The following RBFOX1 variants were observed in gnomAD, a reference collection of about 807,000 sequenced individuals.
RBFOX1 encodes the protein RNA binding protein fox-1 homolog 1.
A neutral mutation model predicts 57.7 loss-of-function variants in RBFOX1; 8 were observed. The observed-to-expected ratio is 0.14, with a 90% confidence interval of 0.08 to 0.25. The LOEUF (loss-of-function observed/expected upper bound fraction) is 0.25. Among genes scored for constraint, RBFOX1 ranks in the 10% least tolerant of loss-of-function variants. The probability of loss-of-function intolerance (pLI) is 1.00; values close to 1 mark genes in which losing one functional copy is unlikely to be tolerated. For missense variants in RBFOX1, 611 were observed against 548.5 expected, an observed-to-expected ratio of 1.11 and a Z score of -1.14; for synonymous variants, 326 against 222.4, an observed-to-expected ratio of 1.47 and a Z score of -4.15.
chr16:5,294,925 G>T (rs1433903852), intron 1 of RBFOX1, among the ~76,000 whole-genome samples: 1 of 150,080 alleles, frequency 6.7e-6, no homozygotes, highest in Non-Finnish European at 1.5e-5. Flanking sequence ...AGCTACTCAG[G>T]AGGCTGAGGC....
At chr16:7,292,603 G>A (rs1568066951) in intron 4 of RBFOX1, among the ~76,000 whole-genome samples, 3 of 150,658 alleles carry the variant, frequency 2.0e-5, no homozygotes, top group Non-Finnish European at 2.9e-5. Flanking sequence ...TTAGGGTATA[G>A]GAGGTAAGAG....
At chr16:6,799,985 T>C (rs2084990888) in intron 3 of RBFOX1, among the ~76,000 whole-genome samples, 4 of 152,186 alleles carry the variant, frequency 2.6e-5, no homozygotes, top group Admixed American at 2.6e-4. Context: ...TCCTTTCATA[T>C]ATATTAAACA....
At position 6,210,891 on chromosome 16, in the gene RBFOX1, C is replaced by G. The variant is rs560920250; in HGVS notation, c.-126-106104C>G. The stretch of plus-strand genomic sequence containing the variant: ...CCTAGAGGTGTCAGCTCAGCTGATA[C>G]CACTTTCTCTTAGGAAAACACAAGG... On this transcript the variant is annotated intron_variant, in intron 1 of 15. Transcript: ENST00000550418. 3.9e-5 allele frequency among the ~76,000 whole-genome samples: 6 copies of G among 152,212 alleles called. No homozygotes were observed. The South Asian group carries it at 1.0e-3, about 26-fold the overall frequency.
Position 6,695,554 on chromosome 16 carries a change from A to G in RBFOX1, c.-16+40904A>G, listed in dbSNP as rs368478448. Among the ~76,000 whole-genome samples the G allele has an allele frequency of 5.9e-5, 9 of 152,190 alleles. No homozygotes were observed. The South Asian group carries it at 1.0e-3, about 18-fold the overall frequency. On this transcript the variant is annotated intron_variant, in intron 3 of 15. Coordinates refer to ENST00000550418, the MANE Select transcript of RBFOX1 (RefSeq NM_018723.4). ...GAGCCCTTAAGTGGCCGACGCGCCT[A>G]TTATGAATGTTTCAAGTATGAGATA...
At chr16:5,704,896 A>G (rs955779594) in intron 3 of RBFOX1, among the ~76,000 whole-genome samples, 41 of 152,126 alleles carry the variant, frequency 2.7e-4, no homozygotes, top group Non-Finnish European at 1.9e-4. Context: ...GGCTTCTTAC[A>G]TCATGGGGAT....
At chr16:6,330,105 TATGTCTGTAGTTTAATACTAC>T (rs1473421106) in intron 2 of RBFOX1, among the ~76,000 whole-genome samples, 3 of 152,312 alleles carry the variant, frequency 2.0e-5, no homozygotes, top group Non-Finnish European at 4.4e-5. Flanking sequence ...TACAATAATG[TATGTCTGTAGTTTAATACTAC>T]ATATCTGTAG....
At chr16:6,674,579 C>A (rs1239278743) in intron 3 of RBFOX1, among the ~76,000 whole-genome samples, 1 of 152,170 alleles carries the variant, frequency 6.6e-6, no homozygotes, top group Admixed American at 6.5e-5. Context: ...ACCTCAGCCT[C>A]CCAAAGTGTT....
intron 1 of RBFOX1, among the ~76,000 whole-genome samples, chr16:6,118,160 C>G (rs1457616379): frequency 5.9e-5 from 9 of 152,152 alleles, no homozygotes. Context: ...AGCATTAAGA[C>G]CATGCTGTTA....
chr16:6,765,144 CTG>C (rs769360879), intron 3 of RBFOX1, among the ~76,000 whole-genome samples: 4 of 152,070 alleles, frequency 2.6e-5, no homozygotes, highest in Admixed American at 6.5e-5. Context: ...GACAGGGAAT[CTG>C]TGAACAGTTT....
At chr16:7,180,938 G>A (rs1166983409) in intron 4 of RBFOX1, among the ~76,000 whole-genome samples, 1 of 152,158 alleles carries the variant, frequency 6.6e-6, no homozygotes, top group East Asian at 1.9e-4. Context: ...TGGACCATAC[G>A]GTCTGTGTCA....
chr16:7,348,898 C>A (rs142932732), intron 4 of RBFOX1, among the ~76,000 whole-genome samples: 3 of 152,012 alleles, frequency 2.0e-5, no homozygotes, highest in African/African-American at 7.2e-5. Flanking sequence ...GCCAAGATTA[C>A]GCCACTGCAC....
At chr16:5,765,162 T>A (rs2053732474) in intron 3 of RBFOX1, among the ~76,000 whole-genome samples, 1 of 152,206 alleles carries the variant, frequency 6.6e-6, no homozygotes, top group Non-Finnish European at 1.5e-5. Flanking sequence ...CTTTCCAGCC[T>A]AGCTTAAGTA....
chr16:6,813,169 A>G (rs191114949), intron 3 of RBFOX1, among the ~76,000 whole-genome samples: 3 of 152,228 alleles, frequency 2.0e-5, no homozygotes, highest in Admixed American at 1.3e-4. Context: ...TCAGGCCACA[A>G]TGACTTCCTA....
At chr16:6,758,695 T>C (rs756393686) in intron 3 of RBFOX1, among the ~76,000 whole-genome samples, 5 of 152,182 alleles carry the variant, frequency 3.3e-5, no homozygotes, top group Non-Finnish European at 7.3e-5. Flanking sequence ...TAATTTCTAA[T>C]TAAAAAGAAA....
chr16:7,184,973 A>G (rs1281541357), intron 4 of RBFOX1, among the ~76,000 whole-genome samples: 3 of 152,194 alleles, frequency 2.0e-5, no homozygotes, highest in African/African-American at 7.2e-5. Flanking sequence ...CAAGCATTAC[A>G]GTAAACATAC....
intron 4 of RBFOX1, among the ~76,000 whole-genome samples, chr16:7,401,580 ATGT>A (rs1345479266): frequency 2.0e-5 from 3 of 152,214 alleles, no homozygotes; most frequent in Non-Finnish European, 2.9e-5. Flanking sequence ...ATTTTTCCCT[ATGT>A]TGTTTATGCT....
chr16:5,450,461 C>T (rs942275970), intron 1 of RBFOX1, among the ~76,000 whole-genome samples: 3 of 152,134 alleles, frequency 2.0e-5, no homozygotes, highest in East Asian at 1.9e-4. Flanking sequence ...CTCTCATGCT[C>T]GAACCCTGCT....
At chr16:6,981,751 C>G (rs537709089) in intron 3 of RBFOX1, among the ~76,000 whole-genome samples, 1 of 152,106 alleles carries the variant, frequency 6.6e-6, no homozygotes, top group Non-Finnish European at 1.5e-5. Flanking sequence ...CCTCATGATT[C>G]AATTATTTCC....
intron 3 of RBFOX1, among the ~76,000 whole-genome samples, chr16:6,806,900 C>G (rs143117108): frequency 7.4e-6 from 1 of 135,346 alleles, no homozygotes; most frequent in Admixed American, 8.0e-5. Flanking sequence ...ATAGCATGAT[C>G]TCAGCTCACT....
Sources: gnomAD v4.1 joint callset for allele counts (sites outside exome capture counted in the v4.1 genomes callset) on GRCh38, gnomAD v4.1.1 for gene constraint, MANE v1.5 for transcripts, NCBI Gene and HGNC (gene_info 2026-07-23, HGNC 2026-07-21) for gene names.